The following TTF2 variants were observed in gnomAD, a reference collection of about 807,000 sequenced individuals.
The protein encoded by TTF2 is RNA polymerase II termination factor.
In TTF2, 108 loss-of-function variants were observed where a neutral mutation model predicts 142.4. The observed-to-expected ratio is 0.76, with a 90% CI of 0.65 to 0.89. TTF2 has a LOEUF of 0.89. Ranked by LOEUF, TTF2 falls within the 40% of genes least tolerant of loss-of-function variation. TTF2 has a pLI of 0.00. For synonymous variants in TTF2, 483 were observed against 506.2 expected (o/e 0.95, Z 0.61); for missense variants, 1,327 against 1,379.8 (o/e 0.96, Z 0.61).
At chr1:117,082,069 GTAT>G in intron 10 of TTF2, 122 bp downstream of exon 10, 3 of 1,379,004 alleles carry the variant, frequency 2.2e-6, no homozygotes, top group Non-Finnish European at 2.0e-6. Flanking sequence ...TGGAAAACCA[GTAT>G]TAGATTACTC....
chr1:117,091,410 G>C lies in TTF2; in HGVS notation c.2671G>C (p.Val891Leu). The C allele has an allele frequency of 6.2e-7, 1 of 1,610,694 alleles. No individual in the cohort carries two copies. Among genetic ancestry groups the C allele is most frequent in the Non-Finnish European group, 8.5e-7 (1 of 1,179,122 alleles). ...AAGCCCTAATAATCCATTCAGTAGA[G>C]GTAAGCTGTAGGACTCTCATAAATA... is the stretch of plus-strand genomic sequence containing the variant. ...GRSPNNPFSR[V>L]ALEFGSEEPR... is the part of the protein sequence containing the mutation. Residue 891 changes from valine to leucine, a missense_variant and splice_region_variant, in exon 16 of 23, where the codon GTG becomes CTG. Coordinates refer to ENST00000369466, the MANE Select transcript of TTF2 (RefSeq NM_003594.4).
rs1198327789 is a variant in TTF2, at chr1:117,100,617, A to C, written c.3345-763A>C. On this transcript the variant is annotated intron_variant, in intron 22 of 22. Coordinates refer to ENST00000369466, the MANE Select transcript of TTF2 (RefSeq NM_003594.4). This position sits in a 1 kb window ranked among gnomAD's most constrained non-coding sequence, Gnocchi z 4.6. The stretch of plus-strand genomic sequence containing the variant: ...CTTCCTCCAATACACCATGCTCTGA[A>C]ACTCAGCCATGGTTTTGCACGTGTT... Among the ~76,000 whole-genome samples the C allele has an allele frequency of 6.6e-6, 1 of 152,168 alleles. No individual in the cohort carries two copies. Among genetic ancestry groups the C allele is most frequent in the Non-Finnish European group, 1.5e-5 (1 of 68,020 alleles).
rs1233824874 is a variant in TTF2 at position 117,083,875 on chromosome 1, G to C, written c.1904-143G>C. 6 of 945,374 alleles carry C rather than the reference G, an allele frequency of 6.3e-6. No individual in the cohort carries two copies. In the South Asian group the frequency reaches 9.9e-5, roughly 16 times the overall value. 58.6% of individuals were successfully genotyped at this position (945,374 alleles called of 1,614,324 possible). A position where few individuals can be genotyped will look rare whatever the true frequency, so the allele number is the denominator to read the frequency against. ...CACACCTGTAATTCCACTGTGGGAG[G>C]CTAAGGCAGGAGGATCACTTGAGCC... On this transcript the variant is annotated intron_variant, in intron 10 of 22. Coordinates refer to ENST00000369466, the MANE Select transcript of TTF2 (RefSeq NM_003594.4).
chr1:117,077,076 T>C (rs897092804), intron 7 of TTF2, among the ~76,000 whole-genome samples: 1 of 152,040 alleles, frequency 6.6e-6, no homozygotes, highest in Non-Finnish European at 1.5e-5. Flanking sequence ...CTGTCCCTAA[T>C]GTATTAAAGT....
In TTF2 at chr1:117,070,634, C is replaced by T. The variant is rs1285443286; in HGVS notation, c.219-3027C>T. The stretch of plus-strand genomic sequence containing the variant: ...TTATTTCTGTAAGTAGTAGCACCCA[C>T]TGATGGCAGCTGTTACTTTGAATTT... On this transcript the variant is annotated intron_variant, in intron 3 of 22. Coordinates refer to ENST00000369466, the MANE Select transcript of TTF2 (RefSeq NM_003594.4). This position sits in a 1 kb window ranked among gnomAD's most constrained non-coding sequence, Gnocchi z 4.2. Among the ~76,000 whole-genome samples, 3 of 152,182 alleles carry T rather than the reference C, an allele frequency of 2.0e-5. No homozygotes were observed. Among genetic ancestry groups the T allele is most frequent in the Non-Finnish European group, 4.4e-5 (3 of 68,026 alleles).
Position 117,090,392 on chromosome 1 carries a change from G to T in TTF2, c.2497-140G>T. 9.0e-7 allele frequency: 1 copy of T among 1,108,726 alleles called. No homozygotes were observed. The highest frequency in any genetic ancestry group is 1.3e-6 in the Non-Finnish European group (1 of 769,168). 68.7% of individuals were successfully genotyped at this position (1,108,726 alleles called of 1,614,324 possible). On this transcript the variant is annotated intron_variant, in intron 14 of 22. Coordinates refer to ENST00000369466, the MANE Select transcript of TTF2 (RefSeq NM_003594.4). This position sits in a 1 kb window ranked among gnomAD's most constrained non-coding sequence, Gnocchi z 4.8. ...TAGCAATCCAGTTGTACTGTATGTT[G>T]GAGCAGTCCTGTGTCTAAGAAAGGG...
At position 117,075,595 on chromosome 1, in the gene TTF2, A is replaced by C. The variant is rs780677176; in HGVS notation, c.1011A>C (p.Pro337=). The change falls in exon 5 of 23, where the codon CCA becomes CCC. Residue 337 remains proline (P), a synonymous_variant. Coordinates refer to ENST00000369466, the MANE Select transcript of TTF2 (RefSeq NM_003594.4). This position sits in a 1 kb window ranked among gnomAD's most constrained non-coding sequence, Gnocchi z 4.5. ...CGGCTCAGGCTGCACCAGCAGCACC[A>C]GGGCTTTCCCTGGGTGAGGGCCGTG... ...GPAAQAAPAA[P]GLSLGEGREA... 1 of 1,614,180 alleles carries C rather than the reference A, an allele frequency of 6.2e-7. No individual in the cohort carries two copies. The highest frequency in any genetic ancestry group is 1.1e-5 in the South Asian group (1 of 91,080).
rs2101031883 is a variant in TTF2, at chr1:117,076,624, C to G, written c.1391-17C>G. 1 of 1,595,642 alleles carries G rather than the reference C, an allele frequency of 6.3e-7. No homozygotes were observed. Among genetic ancestry groups the G allele is most frequent in the South Asian group, 1.1e-5 (1 of 87,872 alleles). ...TTTGCTGAACTTTAATCTGCTCTTC[C>G]CTTGTTTTCTGAGCAGGAACTAATG... On this transcript the variant is annotated splice_polypyrimidine_tract_variant and intron_variant, in intron 6 of 22. Transcript: ENST00000369466. This position sits in a 1 kb window ranked among gnomAD's most constrained non-coding sequence, Gnocchi z 4.6.
Position 117,093,952 on chromosome 1 carries a change from T to C in TTF2, c.2976+1051T>C, listed in dbSNP as rs1231496453. Among the ~76,000 whole-genome samples, 3 of 152,326 alleles carry C rather than the reference T, an allele frequency of 2.0e-5. No individual in the cohort carries two copies. Among genetic ancestry groups the C allele is most frequent in the Non-Finnish European group, 4.4e-5 (3 of 68,024 alleles). ...AAATCCAGCCCTCCTGCTGCAGTTT[T>C]CTCAAAACACCATGGCTAGCTTTTT... On this transcript the variant is annotated intron_variant, in intron 18 of 22. Transcript: ENST00000369466. This position sits in a 1 kb window ranked among gnomAD's most constrained non-coding sequence, Gnocchi z 4.5.
Position 117,060,588 on chromosome 1 carries a change from G to A in TTF2, c.131+31G>A, listed in dbSNP as rs371412038. 3.2e-6 allele frequency: 5 copies of A among 1,560,486 alleles called. No homozygotes were observed. In the African/African-American group the frequency reaches 5.5e-5, roughly 17 times the overall value. On this transcript the variant is annotated intron_variant, in intron 2 of 22. Coordinates refer to ENST00000369466, the MANE Select transcript of TTF2 (RefSeq NM_003594.4). Reference sequence around the variant, plus strand: ...TCTGGAGCTGGGCCCCACTCCCTGTGGCTGCCCGGGGCCTCCCGAGAGGAG... The same window carrying A: ...TCTGGAGCTGGGCCCCACTCCCTGTAGCTGCCCGGGGCCTCCCGAGAGGAG...
rs1457371263 is a variant in TTF2 at position 117,081,699 on chromosome 1, C to T, written c.1784-129C>T. 3 of 1,133,514 alleles carry T rather than the reference C, an allele frequency of 2.6e-6. No homozygotes were observed. In the African/African-American group the frequency reaches 4.7e-5, roughly 18 times the overall value. The allele number at this position is 1,133,514 out of a possible 1,614,324, so 70.2% of individuals were successfully genotyped here. A position where few individuals can be genotyped will look rare whatever the true frequency, so the allele number is the denominator to read the frequency against. The stretch of plus-strand genomic sequence containing the variant: ...GATAAAGGAGCCATTAAGGTAGGCA[C>T]AGAGTAGTGACGGAGTGGCACTGAC... On this transcript the variant is annotated intron_variant, in intron 9 of 22. Coordinates refer to ENST00000369466, the MANE Select transcript of TTF2 (RefSeq NM_003594.4).
At position 117,092,872 on chromosome 1, in the gene TTF2, C is replaced by T; in HGVS notation, c.2947C>T (p.Leu983Phe). Residue 983 changes from leucine (L) to phenylalanine (F), a missense_variant, in exon 18 of 23, where the codon CTT (leucine) becomes TTT (phenylalanine). Transcript: ENST00000369466. The surrounding 1 kb of genome is among the most constrained non-coding windows in gnomAD (Gnocchi z 4.4). ...TAACGGCACCTTCTTCAAGATGGAGCTTTTTGAAGGCATGCGAGAGAGCAC... is the reference window on the plus strand; with the variant it reads ...TAACGGCACCTTCTTCAAGATGGAGTTTTTTGAAGGCATGCGAGAGAGCAC... ...SLNGTFFKME[L>F]FEGMRESTKI... 6.2e-7 allele frequency: 1 copy of T among 1,614,156 alleles called. No homozygotes were observed. The highest frequency in any genetic ancestry group is 8.5e-7 in the Non-Finnish European group (1 of 1,180,028).
chr1:117,069,109 T>A (rs1656383042), intron 3 of TTF2, among the ~76,000 whole-genome samples: 1 of 152,250 alleles, frequency 6.6e-6, no homozygotes, highest in Admixed American at 6.5e-5. Context: ...CAATTTTGTT[T>A]TTTACTTTTA....
chr1:117,093,395 C>G lies in TTF2; in HGVS notation c.2976+494C>G, dbSNP rs1372753831. ...CTGTTTTCGTCAGAGCTTTTTAAGG[C>G]AGAAACATTCTGCTGGAGGAAGGCT... On this transcript the variant is annotated intron_variant, in intron 18 of 22. Coordinates refer to ENST00000369466, the MANE Select transcript of TTF2 (RefSeq NM_003594.4). The surrounding 1 kb of genome is among the most constrained non-coding windows in gnomAD (Gnocchi z 4.5). 2.6e-5 allele frequency among the ~76,000 whole-genome samples: 4 copies of G among 152,154 alleles called. No homozygotes were observed. Among genetic ancestry groups the G allele is most frequent in the African/African-American group, 9.7e-5 (4 of 41,412 alleles).
intron 3 of TTF2, among the ~76,000 whole-genome samples, chr1:117,068,282 A>G (rs1334407599): frequency 6.6e-6 from 1 of 152,108 alleles, no homozygotes; most frequent in East Asian, 1.9e-4. Context: ...TTCTGAGCAA[A>G]CTATCACAAG....
chr1:117,090,055 G>C lies in TTF2; in HGVS notation c.2343G>C (p.Lys781Asn), dbSNP rs751779453. 6.2e-7 allele frequency: 1 copy of C among 1,612,134 alleles called. No homozygotes were observed. The highest frequency in any genetic ancestry group is 2.2e-5 in the East Asian group (1 of 44,802). Residue 781 changes from lysine (K) to asparagine (N), a missense_variant and splice_region_variant, in exon 14 of 23, where the codon AAG becomes AAC. Transcript: ENST00000369466. The surrounding 1 kb of genome is among the most constrained non-coding windows in gnomAD (Gnocchi z 4.8). ...GTGCCCTTCTTCCTCAACAAAAAAG[G>C]TTTCTCCGTTGCTCTCCATTTGATG... The part of the protein sequence containing the change: ...NNLLDMYSLL[K>N]FLRCSPFDEF...
intron 3 of TTF2, among the ~76,000 whole-genome samples, chr1:117,069,809 G>A (rs1377468843): frequency 3.3e-5 from 5 of 152,190 alleles, no homozygotes; most frequent in Admixed American, 3.3e-4. Context: ...ATTACCTTTA[G>A]GAAAATGGGA....
rs1648458836 is a variant in TTF2, at chr1:117,090,357, C to A, written c.2496+149C>A. 4.8e-6 allele frequency: 6 copies of A among 1,237,812 alleles called. No individual in the cohort carries two copies. The highest frequency in any genetic ancestry group is 6.8e-6 in the Non-Finnish European group (6 of 883,662). The allele number at this position is 1,237,812 out of a possible 1,614,324, so 76.7% of individuals were successfully genotyped here. A position where few individuals can be genotyped will look rare whatever the true frequency, so the allele number is the denominator to read the frequency against. ...GAGGCCCCAGGGTTGCAGTTCCATG[C>A]CTAGTGTCATAGCAATCCAGTTGTA... On this transcript the variant is annotated intron_variant, in intron 14 of 22. Coordinates refer to ENST00000369466, the MANE Select transcript of TTF2 (RefSeq NM_003594.4). This position sits in a 1 kb window ranked among gnomAD's most constrained non-coding sequence, Gnocchi z 4.8.
In TTF2 at chr1:117,080,599, C is replaced by G. The variant is rs1001265302; in HGVS notation, c.1783+950C>G. The stretch of plus-strand genomic sequence containing the variant: ...TCAGGCTAAAATTTTCTAAGGTGTT[C>G]AATTTTCAGAAACCATGATAGATGT... On this transcript the variant is annotated intron_variant, in intron 9 of 22. Coordinates refer to ENST00000369466, the MANE Select transcript of TTF2 (RefSeq NM_003594.4). The surrounding 1 kb of genome is among the most constrained non-coding windows in gnomAD (Gnocchi z 4.3). Among the ~76,000 whole-genome samples, 1 of 152,170 alleles carries G rather than the reference C, an allele frequency of 6.6e-6. No individual in the cohort carries two copies. The highest frequency in any genetic ancestry group is 1.5e-5 in the Non-Finnish European group (1 of 68,042).
Sources: gnomAD v4.1 joint callset for allele counts (sites outside exome capture counted in the v4.1 genomes callset) on GRCh38, gnomAD v4.1.1 for gene constraint, Gnocchi (gnomAD v3.1) non-coding constraint, MANE v1.5 for transcripts, NCBI Gene and HGNC (gene_info 2026-07-23, HGNC 2026-07-21) for gene names.